The following LRRC37A2 variants were observed in gnomAD, a reference collection of about 807,000 sequenced individuals.
LRRC37A2 encodes leucine-rich repeat-containing protein 37A2.
Under a neutral mutation model 68.8 loss-of-function variants are expected in LRRC37A2, and 9 were observed. That is an observed-to-expected ratio of 0.13 (90% CI 0.08 to 0.23). The LOEUF (loss-of-function observed/expected upper bound fraction) is 0.23. LRRC37A2 is among the 10% of genes least tolerant of loss of function. The pLI is 1.00. For synonymous variants in LRRC37A2, 63 were observed against 367.6 expected (o/e 0.17, Z 9.48); for missense variants, 168 against 950.4 (o/e 0.18, Z 10.82).
chr17:47,004,388 C>T, the LRRC37A2 span, among the ~76,000 whole-genome samples: 3 of 152,240 alleles, frequency 2.0e-5, no homozygotes, highest in Non-Finnish European at 4.4e-5. Context: ...AATCCAGGGG[C>T]TTTTCCCTGG....
At chr17:46,992,822 C>A in the LRRC37A2 span, among the ~76,000 whole-genome samples, 1 of 129,658 alleles carries the variant, frequency 7.7e-6, no homozygotes, top group Non-Finnish European at 1.6e-5. Context: ...CATTGCACTC[C>A]AGCCTGGGAG....
At chr17:46,537,145 G>T (rs2145436927) in intron 6 of LRRC37A2, among the ~76,000 whole-genome samples, 2 of 59,424 alleles carry the variant, frequency 3.4e-5, no homozygotes, top group East Asian at 2.1e-3. Context: ...ATGAAGGGAT[G>T]AATTTTTGGA....
chr17:46,969,002 C>T, the LRRC37A2 span: 7 of 152,974 alleles, frequency 4.6e-5, no homozygotes, highest in Non-Finnish European at 1.0e-4. Context: ...ACCTGCCCCC[C>T]ACCACAGTCA....
chr17:46,978,876 C>A, the LRRC37A2 span: 93 of 1,559,524 alleles, frequency 6.0e-5, no homozygotes, highest in African/African-American at 1.1e-3. Flanking sequence ...TGGCGGCCAG[C>A]GGTGCGCCCC....
chr17:46,927,796 G>C, the LRRC37A2 span, among the ~76,000 whole-genome samples: 1 of 152,136 alleles, frequency 6.6e-6, no homozygotes, highest in African/African-American at 2.4e-5. Flanking sequence ...GGTGGGACAA[G>C]TCATTCCTCC....
At chr17:46,823,935 C>T in the LRRC37A2 span, among the ~76,000 whole-genome samples, 2 of 152,146 alleles carry the variant, frequency 1.3e-5, no homozygotes, top group South Asian at 2.1e-4. Context: ...TGCCAGACTG[C>T]GGATGGTGAA....
At chr17:46,978,386 A>C in the LRRC37A2 span, 2 of 385,470 alleles carry the variant, frequency 5.2e-6, no homozygotes, top group African/African-American at 7.0e-5. Context: ...CTTAAAAAAC[A>C]AACAAACAAA....
chr17:47,018,648 A>C, the LRRC37A2 span: 4 of 1,520,454 alleles, frequency 2.6e-6, no homozygotes, highest in Non-Finnish European at 3.6e-6. Context: ...TCCGGAACCT[A>C]TTAATAATGA....
the LRRC37A2 span, among the ~76,000 whole-genome samples, chr17:46,746,073 T>C: frequency 6.6e-6 from 1 of 152,328 alleles, no homozygotes; most frequent in Non-Finnish European, 1.5e-5. Flanking sequence ...TTGTGCGTAA[T>C]ACCTCCACCT....
the LRRC37A2 span, among the ~76,000 whole-genome samples, chr17:47,034,851 A>G: frequency 3.9e-5 from 6 of 152,320 alleles, no homozygotes; most frequent in Non-Finnish European, 7.3e-5. Context: ...AAGGATATTT[A>G]AAGCCCTAGT....
At chr17:46,738,266 T>G in the LRRC37A2 span, among the ~76,000 whole-genome samples, 202 of 152,234 alleles carry the variant, frequency 1.3e-3, no homozygotes, top group African/African-American at 4.5e-3. Context: ...AATATGATAC[T>G]TGAGAATTTG....
chr17:46,947,005 G>A, the LRRC37A2 span, among the ~76,000 whole-genome samples: 4 of 152,330 alleles, frequency 2.6e-5, no homozygotes, highest in Admixed American at 6.5e-5. Flanking sequence ...AAGGTGGGAC[G>A]GGGGCCAGAT....
the LRRC37A2 span, among the ~76,000 whole-genome samples, chr17:46,842,054 C>A: frequency 8.5e-5 from 13 of 152,184 alleles, no homozygotes; most frequent in Non-Finnish European, 1.8e-4. Context: ...GCCTGGGGAC[C>A]CGGGAGGCCT....
chr17:46,752,932 T>C, the LRRC37A2 span, among the ~76,000 whole-genome samples: 1 of 152,046 alleles, frequency 6.6e-6, no homozygotes, highest in Non-Finnish European at 1.5e-5. Flanking sequence ...CATGCCTGGC[T>C]AATTTTTTGT....
the LRRC37A2 span, among the ~76,000 whole-genome samples, chr17:46,797,665 T>C: frequency 6.6e-6 from 1 of 152,184 alleles, no homozygotes; most frequent in African/African-American, 2.4e-5. Flanking sequence ...CATGAACACC[T>C]TTCCCTGCTG....
chr17:46,888,063 A>G, the LRRC37A2 span, among the ~76,000 whole-genome samples: 1 of 152,206 alleles, frequency 6.6e-6, no homozygotes, highest in Non-Finnish European at 1.5e-5. Context: ...GAACCATGTG[A>G]ATGTATTCCT....
chr17:47,013,965 G>T, the LRRC37A2 span, among the ~76,000 whole-genome samples: 3 of 151,878 alleles, frequency 2.0e-5, no homozygotes, highest in Non-Finnish European at 4.4e-5. Context: ...AGAAATGGTG[G>T]CACATGCATC....
At chr17:46,573,006 G>A in the LRRC37A2 span, among the ~76,000 whole-genome samples, 1 of 31,416 alleles carries the variant, frequency 3.2e-5, no homozygotes, top group Non-Finnish European at 1.6e-4. Flanking sequence ...AGGAAGGGAG[G>A]AAGGGAGGAA....
At chr17:46,851,187 G>A in the LRRC37A2 span, among the ~76,000 whole-genome samples, 2 of 152,138 alleles carry the variant, frequency 1.3e-5, no homozygotes, top group African/African-American at 4.8e-5. The surrounding 1 kb of genome is among the most constrained non-coding windows in gnomAD (Gnocchi z 4.3). Context: ...CTCCAGATGC[G>A]TCCCTCCTCC....
Sources: gnomAD v4.1 joint callset for allele counts (sites outside exome capture counted in the v4.1 genomes callset) on GRCh38, gnomAD v4.1.1 for gene constraint, Gnocchi (gnomAD v3.1) non-coding constraint, MANE v1.5 for transcripts, NCBI Gene and HGNC (gene_info 2026-07-23, HGNC 2026-07-21) for gene names.